Variants in NELL2 observed in about 807,000 individuals in gnomAD.
NELL2 encodes protein kinase C-binding protein NELL2.
In NELL2, 41 loss-of-function variants were observed where a neutral mutation model predicts 109.6. That is an observed-to-expected ratio of 0.37 (90% CI 0.29 to 0.49). NELL2 has a LOEUF of 0.49. Among genes scored for constraint, NELL2 ranks in the 20% least tolerant of loss-of-function variants. The pLI is 0.98. For synonymous variants in NELL2, 355 were observed against 344.7 expected (o/e 1.03, Z -0.33); for missense variants, 900 against 1,008.3 (o/e 0.89, Z 1.45).
chr12:44,615,912 G>T (rs1945805496), intron 13 of NELL2, among the ~76,000 whole-genome samples: 1 of 152,130 alleles, frequency 6.6e-6, no homozygotes, highest in Admixed American at 6.6e-5. Context: ...ACATGTTCAA[G>T]TTCAAATCCC....
At chr12:44,653,841 T>C (rs1231958270) in intron 13 of NELL2, among the ~76,000 whole-genome samples, 2 of 152,374 alleles carry the variant, frequency 1.3e-5, no homozygotes, top group East Asian at 3.9e-4. Flanking sequence ...AGAATGTCTA[T>C]AGACTGTCAG....
At chr12:44,564,407 G>T (rs569067342) in intron 15 of NELL2, among the ~76,000 whole-genome samples, 1 of 152,262 alleles carries the variant, frequency 6.6e-6, no homozygotes, top group Non-Finnish European at 1.5e-5. Context: ...TACTGTAATA[G>T]TCTTCAGGGC....
At chr12:44,869,954 A>G (rs1440518781) in intron 2 of NELL2, among the ~76,000 whole-genome samples, 1 of 152,206 alleles carries the variant, frequency 6.6e-6, no homozygotes, top group Non-Finnish European at 1.5e-5. Context: ...AAAAAGCCAG[A>G]GTGCACCTTC....
intron 3 of NELL2, among the ~76,000 whole-genome samples, chr12:44,812,937 T>C (rs1166339400): frequency 6.6e-6 from 1 of 152,202 alleles, no homozygotes; most frequent in Non-Finnish European, 1.5e-5. Context: ...CTCCCATTTA[T>C]TCCCATGGAA....
intron 9 of NELL2, among the ~76,000 whole-genome samples, chr12:44,742,062 G>T (rs12300527): frequency 0.07 from 10,602 of 152,230 alleles, 1,212 homozygotes; most frequent in African/African-American, 0.24. Context: ...GCACCCCCCA[G>T]TAGGGGTGGA....
chr12:44,589,571 C>T (rs907949119), intron 15 of NELL2, among the ~76,000 whole-genome samples: 3 of 151,972 alleles, frequency 2.0e-5, no homozygotes, highest in African/African-American at 4.8e-5. Context: ...AGTAAAGATG[C>T]GGTTTCACCA....
intron 13 of NELL2, among the ~76,000 whole-genome samples, chr12:44,633,178 A>G (rs756850461): frequency 8.5e-5 from 13 of 152,122 alleles, no homozygotes; most frequent in Non-Finnish European, 1.9e-4. Flanking sequence ...GGTAAAGGCA[A>G]CAGTATAAAA....
chr12:44,681,642 C>T (rs961620179), intron 12 of NELL2, among the ~76,000 whole-genome samples: 6 of 152,166 alleles, frequency 3.9e-5, no homozygotes, highest in Admixed American at 1.3e-4. Flanking sequence ...TGTTCAACTC[C>T]CACCTATGGG....
intron 3 of NELL2, among the ~76,000 whole-genome samples, chr12:44,785,375 G>A (rs534215822): frequency 1.3e-5 from 2 of 152,050 alleles, no homozygotes; most frequent in East Asian, 1.9e-4. Context: ...CTGGAAATAA[G>A]AGAGGACACA....
At chr12:44,668,626 C>G (rs978835122) in intron 12 of NELL2, among the ~76,000 whole-genome samples, 1 of 151,934 alleles carries the variant, frequency 6.6e-6, no homozygotes, top group Non-Finnish European at 1.5e-5. Context: ...TGGCCAGGAG[C>G]CTGGGTATAG....
chr12:44,685,872 G>T (rs182138477), intron 12 of NELL2, among the ~76,000 whole-genome samples: 1 of 152,048 alleles, frequency 6.6e-6, no homozygotes, highest in Non-Finnish European at 1.5e-5. Context: ...TTCAACTTTG[G>T]TGAATCCGAC....
intron 2 of NELL2, among the ~76,000 whole-genome samples, chr12:44,840,754 T>C (rs566899235): frequency 9.2e-5 from 14 of 152,204 alleles, no homozygotes; most frequent in Non-Finnish European, 1.8e-4. Context: ...TGGCTATATA[T>C]CTATAGCTTA....
intron 13 of NELL2, among the ~76,000 whole-genome samples, chr12:44,618,882 T>C (rs1945934928): frequency 6.6e-6 from 1 of 152,198 alleles, no homozygotes; most frequent in African/African-American, 2.4e-5. Flanking sequence ...TTAGTCTTCA[T>C]AAAAGGCCTG....
At chr12:44,597,499 C>T (rs1945014562) in intron 15 of NELL2, among the ~76,000 whole-genome samples, 1 of 152,134 alleles carries the variant, frequency 6.6e-6, no homozygotes, top group East Asian at 1.9e-4. Context: ...GTTAAGTTTG[C>T]ATTTTCTTTT....
intron 15 of NELL2, among the ~76,000 whole-genome samples, chr12:44,534,733 A>C (rs1395240309): frequency 1.3e-5 from 2 of 152,090 alleles, no homozygotes; most frequent in African/African-American, 4.8e-5. Context: ...GTTTTATTGG[A>C]AGAAAGCCAT....
chr12:44,690,450 T>C (rs1443693007), intron 12 of NELL2, among the ~76,000 whole-genome samples: 1 of 151,986 alleles, frequency 6.6e-6, no homozygotes, highest in African/African-American at 2.4e-5. Flanking sequence ...TGAGATAAAG[T>C]ATAAGATTCT....
chr12:44,814,016 A>G (rs1034953019), intron 3 of NELL2, among the ~76,000 whole-genome samples: 4 of 152,222 alleles, frequency 2.6e-5, no homozygotes, highest in African/African-American at 9.6e-5. Context: ...TGCAGATTGC[A>G]AGAAGTCTGT....
intron 1 of NELL2, among the ~76,000 whole-genome samples, chr12:44,889,311 T>C (rs546249786): frequency 1.3e-5 from 2 of 152,138 alleles, no homozygotes; most frequent in South Asian, 2.1e-4. Flanking sequence ...TAGAAAAATA[T>C]ATACAGCATT....
chr12:44,701,167 C>G (rs1949216843), intron 12 of NELL2, among the ~76,000 whole-genome samples: 1 of 151,786 alleles, frequency 6.6e-6, no homozygotes, highest in Non-Finnish European at 1.5e-5. Flanking sequence ...ATGCCATAAT[C>G]AAAAGGAAAG....
Sources: gnomAD v4.1 joint callset for allele counts (sites outside exome capture counted in the v4.1 genomes callset) on GRCh38, gnomAD v4.1.1 for gene constraint, MANE v1.5 for transcripts, NCBI Gene and HGNC (gene_info 2026-07-23, HGNC 2026-07-21) for gene names.